SCAPER: variants seen among roughly 807,000 people sequenced by gnomAD.
The protein encoded by SCAPER is S-phase cyclin A associated protein in the ER.
A neutral mutation model predicts 182.2 loss-of-function variants in SCAPER; 98 were observed. The observed-to-expected ratio is 0.54, with a 90% CI of 0.46 to 0.64. SCAPER has a LOEUF of 0.64. Among genes scored for constraint, SCAPER ranks in the 30% least tolerant of loss-of-function variants. The pLI, the probability that SCAPER is intolerant of heterozygous loss-of-function variation, is 0.00. For missense variants in SCAPER, 1,432 were observed against 1,690.0 expected (o/e 0.85, Z 2.68); for synonymous variants, 605 against 564.6 (o/e 1.07, Z -1.01).
At chr15:76,692,622 G>C (rs2058422472) in intron 20 of SCAPER, among the ~76,000 whole-genome samples, 1 of 149,916 alleles carries the variant, frequency 6.7e-6, no homozygotes, top group Non-Finnish European at 1.5e-5. Context: ...CCAGGAGGCA[G>C]AGGTTGCAGT....
chr15:76,721,747 G>A (rs1432258228), intron 17 of SCAPER, among the ~76,000 whole-genome samples: 3 of 152,068 alleles, frequency 2.0e-5, no homozygotes, highest in Non-Finnish European at 4.4e-5. Flanking sequence ...TGGTGTATAA[G>A]AATGCTTGTG....
chr15:76,446,882 T>G (rs1328161727), intron 25 of SCAPER, among the ~76,000 whole-genome samples: 1 of 152,192 alleles, frequency 6.6e-6, no homozygotes, highest in Non-Finnish European at 1.5e-5. Flanking sequence ...AAACCATACT[T>G]CGAGTACCTA....
intron 26 of SCAPER, among the ~76,000 whole-genome samples, chr15:76,414,400 C>G (rs748670411): frequency 6.6e-6 from 1 of 151,880 alleles, no homozygotes; most frequent in Non-Finnish European, 1.5e-5. Flanking sequence ...GAGAACTACA[C>G]TGAAGCTGAT....
In SCAPER at chr15:76,600,742, G is replaced by A. The variant is rs1228455069; in HGVS notation, c.2711+21022C>T. Among the ~76,000 whole-genome samples, 3 of 119,744 alleles carry A rather than the reference G, an allele frequency of 2.5e-5. 1 individual carries two copies. Among genetic ancestry groups the A allele is most frequent in the Non-Finnish European group, 6.1e-5 (3 of 49,520 alleles). 78.6% of individuals were successfully genotyped at this position (119,744 alleles called of 152,430 possible). ...TGGGATTACAGGCGTGAGCCACTGC[G>A]CCCCACCCAGAAAGTATTTTTTTAA... is the stretch of plus-strand genomic sequence containing the variant. On this transcript the variant is annotated intron_variant, in intron 22 of 31. Transcript: ENST00000563290.
chr15:76,721,768 A>G (rs2060258696), intron 17 of SCAPER, among the ~76,000 whole-genome samples: 1 of 152,106 alleles, frequency 6.6e-6, no homozygotes, highest in African/African-American at 2.4e-5. Flanking sequence ...ATTTTTGTAC[A>G]CTGATTTTGT....
At chr15:76,643,131 A>ATATG (rs2054238048) in intron 21 of SCAPER, among the ~76,000 whole-genome samples, 1 of 152,134 alleles carries the variant, frequency 6.6e-6, no homozygotes, top group Non-Finnish European at 1.5e-5. Flanking sequence ...TACATGCTAC[A>ATATG]TGCTCTAGGG....
At chr15:76,820,687 T>A (rs544864246) in intron 5 of SCAPER, among the ~76,000 whole-genome samples, 25 of 151,646 alleles carry the variant, frequency 1.6e-4, no homozygotes, top group Non-Finnish European at 2.4e-4. Context: ...CATGTATACA[T>A]ATGTAACAAA....
intron 2 of SCAPER, among the ~76,000 whole-genome samples, chr15:76,880,322 G>C (rs573500581): frequency 6.6e-6 from 1 of 152,296 alleles, no homozygotes; most frequent in Admixed American, 6.5e-5. Context: ...TGTTGTTAAA[G>C]ATTTTTTAGT....
chr15:76,615,454 T>A (rs1191055532), intron 22 of SCAPER, among the ~76,000 whole-genome samples: 1 of 143,022 alleles, frequency 7.0e-6, no homozygotes, highest in Non-Finnish European at 1.5e-5. Flanking sequence ...CAAAAACAAA[T>A]GTGTCTGTAT....
At chr15:76,666,716 T>C (rs188754959) in intron 20 of SCAPER, among the ~76,000 whole-genome samples, 1 of 152,326 alleles carries the variant, frequency 6.6e-6, no homozygotes, top group East Asian at 1.9e-4. Context: ...AAATCTCCAA[T>C]ATCCGTCATC....
chr15:76,374,495 T>A (rs1331524501), intron 29 of SCAPER, among the ~76,000 whole-genome samples: 1 of 151,718 alleles, frequency 6.6e-6, no homozygotes, highest in South Asian at 2.1e-4. Flanking sequence ...GGGCTTTTTT[T>A]TTTTTTTAGA....
intron 5 of SCAPER, among the ~76,000 whole-genome samples, chr15:76,813,223 T>A (rs2066776475): frequency 1.5e-5 from 1 of 65,556 alleles, no homozygotes; most frequent in Non-Finnish European, 2.6e-5. Flanking sequence ...CAATATCCTT[T>A]CACTAAAAAA....
chr15:76,630,194 T>A (rs1360821700), intron 21 of SCAPER, among the ~76,000 whole-genome samples: 1 of 152,190 alleles, frequency 6.6e-6, no homozygotes, highest in African/African-American at 2.4e-5. Flanking sequence ...TCTATTTTCT[T>A]CTTTATTAGT....
At chr15:76,533,484 A>C (rs2095914018) in intron 23 of SCAPER, among the ~76,000 whole-genome samples, 1 of 152,108 alleles carries the variant, frequency 6.6e-6, no homozygotes, top group South Asian at 2.1e-4. Flanking sequence ...GGAGCAATAG[A>C]GTATACCATA....
chr15:76,552,827 A>G (rs888575234), intron 23 of SCAPER, among the ~76,000 whole-genome samples: 3 of 151,996 alleles, frequency 2.0e-5, no homozygotes, highest in Non-Finnish European at 2.9e-5. Flanking sequence ...AGCAGGGCAG[A>G]CTTGCCCATG....
intron 7 of SCAPER, among the ~76,000 whole-genome samples, chr15:76,795,898 C>T (rs1381699394): frequency 1.3e-5 from 2 of 152,062 alleles, no homozygotes; most frequent in Non-Finnish European, 2.9e-5. Flanking sequence ...CCTGTCTCTA[C>T]TAAATAACAA....
At chr15:76,485,097 G>C (rs2051489290) in intron 24 of SCAPER, among the ~76,000 whole-genome samples, 1 of 152,156 alleles carries the variant, frequency 6.6e-6, no homozygotes, top group Admixed American at 6.5e-5. Context: ...CAAATACGAA[G>C]AGTGGAAGTA....
At chr15:76,651,740 A>G (rs1393509623) in intron 21 of SCAPER, among the ~76,000 whole-genome samples, 1 of 151,060 alleles carries the variant, frequency 6.6e-6, no homozygotes, top group Non-Finnish European at 1.5e-5. Context: ...AAAGCTGGAG[A>G]TGAGAGACCT....
Position 76,795,433 on chromosome 15 carries a change from T to G in SCAPER, c.619A>C (p.Thr207Pro), listed in dbSNP as rs762168825. The change falls in exon 8 of 32, where the codon ACT becomes CCT. Residue 207 changes from threonine to proline, a missense_variant. Thr to Pro is a conservative substitution (Grantham distance 38, BLOSUM62 -1). This residue lies in a region of SCAPER where 480 missense variants were observed against 510.2 expected (regional missense o/e 0.94). Coordinates refer to ENST00000563290, the MANE Select transcript of SCAPER (RefSeq NM_020843.4). ...ARRSLNFGGS[T>P]GTVPAPRLAP... ...AGACGAGGAGCTGGCACTGTGCCAG[T>G]TGAACCTCTATGGAGAAAAATAAAC... 6.3e-7 allele frequency: 1 copy of G among 1,589,356 alleles called. No individual in the cohort carries two copies. The highest frequency in any genetic ancestry group is 8.6e-7 in the Non-Finnish European group (1 of 1,169,106).
Sources: gnomAD v4.1 joint callset for allele counts (sites outside exome capture counted in the v4.1 genomes callset) on GRCh38, gnomAD v4.1.1 for gene constraint, gnomAD v4.1.1 regional missense constraint, MANE v1.5 for transcripts, NCBI Gene and HGNC (gene_info 2026-07-23, HGNC 2026-07-21) for gene names.